Variants in SHISA9 observed in about 807,000 individuals in gnomAD.
SHISA9 encodes protein shisa-9.
Under a neutral mutation model 38.0 loss-of-function variants are expected in SHISA9, and 13 were observed. The observed-to-expected ratio is 0.34, with a 90% confidence interval of 0.22 to 0.54. SHISA9 has a LOEUF of 0.54. SHISA9 is among the 20% of genes least tolerant of loss of function. The pLI is 0.91. For synonymous variants in SHISA9, 275 were observed against 242.0 expected (o/e 1.14, Z -1.27); for missense variants, 538 against 575.8 (o/e 0.93, Z 0.67).
the SHISA9 span, among the ~76,000 whole-genome samples, chr16:13,360,982 AC>A: frequency 6.6e-6 from 1 of 152,060 alleles, no homozygotes; most frequent in South Asian, 2.1e-4. Context: ...CCTCATTCCA[AC>A]TTTTGGAGAT....
chr16:13,492,659 G>A, the SHISA9 span, among the ~76,000 whole-genome samples: 1 of 152,192 alleles, frequency 6.6e-6, no homozygotes, highest in Non-Finnish European at 1.5e-5. Flanking sequence ...CTGACTCAGA[G>A]TGGGAAACTT....
the SHISA9 span, among the ~76,000 whole-genome samples, chr16:13,289,350 C>T: frequency 9.4e-6 from 1 of 106,914 alleles, no homozygotes; most frequent in African/African-American, 3.7e-5. Context: ...GTCTGGCACT[C>T]AGTTTTGGTT....
At chr16:13,331,119 G>T in the SHISA9 span, among the ~76,000 whole-genome samples, 2 of 152,130 alleles carry the variant, frequency 1.3e-5, no homozygotes, top group African/African-American at 2.4e-5. Context: ...TGGATAAAAG[G>T]CTGGGACTTG....
the SHISA9 span, among the ~76,000 whole-genome samples, chr16:13,505,510 T>A: frequency 4.6e-5 from 7 of 152,200 alleles, no homozygotes; most frequent in Non-Finnish European, 8.8e-5. Context: ...GTTACCAAGA[T>A]TTTCAAGTGT....
chr16:13,372,831 T>A, the SHISA9 span, among the ~76,000 whole-genome samples: 1 of 145,452 alleles, frequency 6.9e-6, no homozygotes, highest in African/African-American at 2.5e-5. Context: ...TTTCTTAACC[T>A]TTTTTTTTTA....
intron 2 of SHISA9, among the ~76,000 whole-genome samples, chr16:13,060,009 C>G (rs1278600145): frequency 1.3e-5 from 2 of 152,154 alleles, no homozygotes; most frequent in African/African-American, 4.8e-5. Flanking sequence ...CCCTAGCAAA[C>G]AAATACAGGC....
At chr16:13,251,024 G>A in the SHISA9 span, among the ~76,000 whole-genome samples, 1 of 152,144 alleles carries the variant, frequency 6.6e-6, no homozygotes, top group Non-Finnish European at 1.5e-5. Flanking sequence ...CCCTTACCTA[G>A]TAGTGTAAGG....
the SHISA9 span, among the ~76,000 whole-genome samples, chr16:13,481,131 A>G: frequency 6.6e-6 from 1 of 152,222 alleles, no homozygotes; most frequent in Non-Finnish European, 1.5e-5. Context: ...AACCTTTGCA[A>G]TTAAAGACTG....
chr16:12,977,222 A>G (rs1280807531), intron 2 of SHISA9, among the ~76,000 whole-genome samples: 1 of 152,124 alleles, frequency 6.6e-6, no homozygotes, highest in Non-Finnish European at 1.5e-5. Flanking sequence ...ATCCTATAGT[A>G]GGCACTGGGG....
At chr16:13,259,309 C>T in the SHISA9 span, among the ~76,000 whole-genome samples, 1 of 152,202 alleles carries the variant, frequency 6.6e-6, no homozygotes, top group Non-Finnish European at 1.5e-5. Flanking sequence ...CAGCTTTGCC[C>T]CTGTGGCTCT....
chr16:13,211,944 C>T (rs181778189), intron 3 of SHISA9, among the ~76,000 whole-genome samples: 91 of 152,254 alleles, frequency 6.0e-4, no homozygotes, highest in African/African-American at 2.1e-3. Context: ...CCGAGTCATC[C>T]TGGGTGGGCC....
the SHISA9 span, among the ~76,000 whole-genome samples, chr16:13,280,117 CTTTTTTTTTTTTT>C: frequency 6.8e-5 from 7 of 102,842 alleles, no homozygotes; most frequent in Admixed American, 2.7e-4. Flanking sequence ...CTCTCTTTCT[CTTTTTTTTTTTTT>C]TTTTTTTTTG....
At chr16:13,297,819 C>T in the SHISA9 span, among the ~76,000 whole-genome samples, 1 of 152,132 alleles carries the variant, frequency 6.6e-6, no homozygotes, top group Admixed American at 6.6e-5. Context: ...TGCAATGGCA[C>T]AATCTCGGCT....
the SHISA9 span, among the ~76,000 whole-genome samples, chr16:13,432,030 G>C: frequency 6.6e-5 from 10 of 152,192 alleles, no homozygotes; most frequent in African/African-American, 2.4e-4. Flanking sequence ...CGTTGCACTG[G>C]AGCCTGGTTG....
the SHISA9 span, among the ~76,000 whole-genome samples, chr16:13,285,587 T>C: frequency 6.6e-6 from 1 of 151,846 alleles, no homozygotes; most frequent in East Asian, 1.9e-4. Flanking sequence ...GCCTGGAAGC[T>C]GTAAGCTATC....
chr16:13,388,061 C>T, the SHISA9 span, among the ~76,000 whole-genome samples: 3 of 152,114 alleles, frequency 2.0e-5, no homozygotes, highest in Non-Finnish European at 4.4e-5. Flanking sequence ...GTCAGTAGTA[C>T]CTGAGACAGC....
intron 1 of SHISA9, chr16:12,911,273 A>G (rs1436322754): frequency 1.0e-6 from 1 of 985,288 alleles, no homozygotes; most frequent in East Asian, 1.1e-4. Context: ...TCTGAGAAGC[A>G]CTCAAACTAT....
At chr16:13,519,498 C>CCAAGCACCATGTCTTTATAAATTGTATT in the SHISA9 span, among the ~76,000 whole-genome samples, 20 of 152,162 alleles carry the variant, frequency 1.3e-4, no homozygotes, top group African/African-American at 4.8e-4. Flanking sequence ...AAAATCTGCA[C>CCAAGCACCATGTCTTTATAAATTGTATT]CAAGCACCAT....
the SHISA9 span, among the ~76,000 whole-genome samples, chr16:13,313,005 C>G: frequency 6.6e-6 from 1 of 151,876 alleles, no homozygotes; most frequent in Non-Finnish European, 1.5e-5. Flanking sequence ...CCTGTAATCC[C>G]AGCACTTTGG....
Sources: gnomAD v4.1 joint callset for allele counts (sites outside exome capture counted in the v4.1 genomes callset) on GRCh38, gnomAD v4.1.1 for gene constraint, MANE v1.5 for transcripts, NCBI Gene and HGNC (gene_info 2026-07-23, HGNC 2026-07-21) for gene names.